The following ATP2C1 variants were observed in gnomAD, a reference collection of about 807,000 sequenced individuals.
ATP2C1 encodes calcium-transporting ATPase type 2C member 1.
In ATP2C1, 31 loss-of-function variants were observed where a neutral mutation model predicts 120.5. The ratio of observed to expected loss-of-function variants is 0.26; its 90% confidence interval spans 0.19 to 0.35. The LOEUF (loss-of-function observed/expected upper bound fraction) is 0.35, where lower values mean the gene tolerates loss of function less well. Ranked by LOEUF, ATP2C1 falls within the 10% of genes least tolerant of loss-of-function variation. The pLI is 1.00. For synonymous variants in ATP2C1, 351 were observed against 358.7 expected (o/e 0.98, Z 0.24); for missense variants, 731 against 1,107.5 (o/e 0.66, Z 4.83).
chr3:130,924,746 C>T (rs935435845), intron 2 of ATP2C1, among the ~76,000 whole-genome samples: 10 of 152,106 alleles, frequency 6.6e-5, no homozygotes, highest in Non-Finnish European at 1.5e-4. Context: ...CCAGCCTTCA[C>T]GGATGCTTTG....
intron 2 of ATP2C1, among the ~76,000 whole-genome samples, chr3:130,917,844 C>G (rs939214196): frequency 6.6e-6 from 1 of 152,136 alleles, no homozygotes; most frequent in Non-Finnish European, 1.5e-5. Context: ...TCATTCCACT[C>G]TTTGATTTTT....
At chr3:130,969,170 A>G (rs2061184125) in intron 16 of ATP2C1, 122 bp from the exon 17 acceptor site, 1 of 714,392 alleles carries the variant, frequency 1.4e-6, no homozygotes, top group Non-Finnish European at 2.6e-6. Flanking sequence ...AGCATTTACT[A>G]TTTCACTATT....
rs559210726 is a variant in ATP2C1 at position 130,903,797 on chromosome 3, T to G, written c.6+9022T>G. Among the ~76,000 whole-genome samples the G allele has an allele frequency of 9.2e-5, 14 of 151,842 alleles. No individual in the cohort carries two copies. In the South Asian group the frequency reaches 2.5e-3, roughly 27 times the overall value. The stretch of plus-strand genomic sequence containing the variant: ...ACTGAAGGCTTTAAAAAACACTGGT[T>G]GCATGCTTAATATAGGATGGCAACA... On this transcript the variant is annotated intron_variant, in intron 2 of 27. Transcript: ENST00000510168.
chr3:130,990,473 G>A (rs1246627700), intron 20 of ATP2C1, among the ~76,000 whole-genome samples: 1 of 152,134 alleles, frequency 6.6e-6, no homozygotes, highest in Non-Finnish European at 1.5e-5. Flanking sequence ...GGAACAACGA[G>A]GAGGCCAATG....
At chr3:131,013,828 A>T (rs2063442073) in intron 26 of ATP2C1, 1 of 411,914 alleles carries the variant, frequency 2.4e-6, no homozygotes, top group Non-Finnish European at 4.3e-6. Flanking sequence ...GAAATGGAAC[A>T]TGAGAAGTAT....
intron 17 of ATP2C1, among the ~76,000 whole-genome samples, chr3:130,972,390 C>T (rs1002183742): frequency 3.3e-5 from 5 of 152,114 alleles, no homozygotes; most frequent in African/African-American, 1.2e-4. Context: ...GACTTCATCT[C>T]ATCACCCTAC....
chr3:130,973,322 C>G (rs1465042525), intron 17 of ATP2C1, among the ~76,000 whole-genome samples: 2 of 151,958 alleles, frequency 1.3e-5, no homozygotes, highest in Non-Finnish European at 2.9e-5. Flanking sequence ...AATTTGAGGA[C>G]ACTTGGAGAG....
intron 26 of ATP2C1, among the ~76,000 whole-genome samples, chr3:131,010,051 T>A (rs2063260151): frequency 6.6e-6 from 1 of 152,114 alleles, no homozygotes; most frequent in South Asian, 2.1e-4. Context: ...CCCAGTGAAA[T>A]CTGGCAAACT....
chr3:130,865,323 A>G (rs930778718), intron 1 of ATP2C1, among the ~76,000 whole-genome samples: 1 of 152,130 alleles, frequency 6.6e-6, no homozygotes, highest in Non-Finnish European at 1.5e-5. Context: ...GGAAGTAACT[A>G]GTTTGCTATT....
At chr3:130,989,870 T>C (rs550804806) in intron 20 of ATP2C1, among the ~76,000 whole-genome samples, 1 of 152,330 alleles carries the variant, frequency 6.6e-6, no homozygotes, top group East Asian at 1.9e-4. Flanking sequence ...GAGTTTTCAC[T>C]TGGAAGGTTA....
At chr3:130,963,879 C>A (rs987747744) in intron 12 of ATP2C1, 92 bp from the exon 13 acceptor site, 3 of 1,499,952 alleles carry the variant, frequency 2.0e-6, no homozygotes, top group Non-Finnish European at 2.8e-6. Context: ...ATTAATTTTG[C>A]GTTTTATTAA....
At chr3:130,941,222 CAGTGTGTGTGT>C (rs1452614783) in intron 7 of ATP2C1, among the ~76,000 whole-genome samples, 1 of 105,130 alleles carries the variant, frequency 9.5e-6, no homozygotes, top group East Asian at 2.7e-4. Flanking sequence ...CTGTATTTAA[CAGTGTGTGTGT>C]GTGTGTGTGT....
chr3:130,922,584 G>A (rs1041573284), intron 2 of ATP2C1, among the ~76,000 whole-genome samples: 1 of 152,044 alleles, frequency 6.6e-6, no homozygotes. Flanking sequence ...TTTGATGTAG[G>A]CATTTAATGC....
Position 130,965,165 on chromosome 3 carries a change from T to G in ATP2C1, c.1122+120T>G, listed in dbSNP as rs138736380. 6.0e-3 allele frequency: 4,255 copies of G among 711,714 alleles called. 15 individuals are homozygous for G. The highest frequency in any genetic ancestry group is 8.9e-3 in the Non-Finnish European group (3,542 of 398,536). 44.1% of individuals were successfully genotyped at this position (711,714 alleles called of 1,614,324 possible). The stretch of plus-strand genomic sequence containing the variant: ...AAGGGCTGTAAATTAGTAGTGGAGT[T>G]ATTTTCTCTCTCTGTGATTTTACCA... On this transcript the variant is annotated intron_variant, in intron 14 of 27. Transcript: ENST00000510168.
At chr3:130,851,633 A>G (rs557014297) in intron 1 of ATP2C1, among the ~76,000 whole-genome samples, 6 of 152,360 alleles carry the variant, frequency 3.9e-5, no homozygotes, top group African/African-American at 1.4e-4. Context: ...TCTCCAAAAA[A>G]GACATTTCTA....
chr3:130,996,904 A>T (rs3773814), intron 24 of ATP2C1, 108 bp downstream of exon 24: 182 of 814,356 alleles, frequency 2.2e-4, no homozygotes, highest in Non-Finnish European at 3.5e-4. Flanking sequence ...CTTTGCAGCA[A>T]ATGTTTTAAC....
intron 20 of ATP2C1, among the ~76,000 whole-genome samples, chr3:130,985,029 C>T (rs2061935983): frequency 6.6e-6 from 1 of 152,134 alleles, no homozygotes; most frequent in Non-Finnish European, 1.5e-5. Context: ...TGTGTGCACC[C>T]CACTTTATAA....
intron 2 of ATP2C1, among the ~76,000 whole-genome samples, chr3:130,899,836 C>T (rs1235989125): frequency 6.6e-6 from 1 of 151,990 alleles, no homozygotes; most frequent in Admixed American, 6.6e-5. Context: ...GTGTCTGATT[C>T]AATTTCTATC....
chr3:130,973,892 A>G (rs218490), intron 17 of ATP2C1, among the ~76,000 whole-genome samples: 67,935 of 152,010 alleles, frequency 0.45, 17,731 homozygotes, highest in Middle Eastern at 0.65. Flanking sequence ...CCCACACCAC[A>G]CACCCTTTCT....
Sources: allele counts gnomAD v4.1 joint callset (sites outside exome capture counted in the v4.1 genomes callset), GRCh38; gene constraint gnomAD v4.1.1; transcripts MANE v1.5; gene names NCBI Gene and HGNC (gene_info 2026-07-23, HGNC 2026-07-21).